The following ZNF318 variants were observed in gnomAD, a reference collection of about 807,000 sequenced individuals.
ZNF318 encodes the protein endocrine regulator.
In ZNF318, 51 loss-of-function variants were observed where a neutral mutation model predicts 124.2. The observed-to-expected ratio is 0.41, with a 90% CI of 0.33 to 0.52. ZNF318 has a LOEUF of 0.52. Among genes scored for constraint, ZNF318 ranks in the 20% least tolerant of loss-of-function variants. The pLI, the probability that ZNF318 is intolerant of heterozygous loss-of-function variation, is 0.23. For missense variants in ZNF318, 2,815 were observed against 2,811.2 expected, an observed-to-expected ratio of 1.00 and a Z score of -0.03; for synonymous variants, 1,090 against 1,040.7, an observed-to-expected ratio of 1.05 and a Z score of -0.91.
At chr6:43,349,517 A>G (rs1779498484) in intron 5 of ZNF318, among the ~76,000 whole-genome samples, 1 of 150,620 alleles carries the variant, frequency 6.6e-6, no homozygotes, top group South Asian at 2.1e-4. Flanking sequence ...GAGCCACCAC[A>G]CCCAGCTGGC....
In ZNF318 at chr6:43,340,336, T is replaced by G; in HGVS notation, c.3662A>C (p.Lys1221Thr). 1 of 1,614,178 alleles carries G rather than the reference T, an allele frequency of 6.2e-7. No homozygotes were observed. Among genetic ancestry groups the G allele is most frequent in the Non-Finnish European group, 8.5e-7 (1 of 1,180,042 alleles). The change falls in exon 10 of 10, where the codon AAA becomes ACA. Residue 1221 changes from lysine to threonine, a missense_variant. Around this residue, in one of 4 missense-constraint regions of ZNF318, gnomAD observed 500 missense variants for 605.2 expected, o/e 0.83. Coordinates refer to ENST00000361428, the MANE Select transcript of ZNF318 (RefSeq NM_014345.3). ...EKKEKKAKAVKEVKEDDKVSE... is the reference protein window; with the variant it reads ...EKKEKKAKAVTEVKEDDKVSE... ...GACCTTGTCATCCTCCTTTACTTCT[T>G]TCACAGCCTTTGCCTTTTTTTCTTT...
In ZNF318 at chr6:43,338,634, C is replaced by T; in HGVS notation, c.5364G>A (p.Leu1788=). Residue 1788 remains leucine (L), a synonymous_variant, in exon 10 of 10, where the codon CTG becomes CTA. Coordinates refer to ENST00000361428, the MANE Select transcript of ZNF318 (RefSeq NM_014345.3). ...NTELKERVKE[L]SEGIVDEGVS... ...CTCCCTCATCAACTATCCCCTCAGA[C>T]AGCTCCTTTACCCTTTCTTTTAGTT... The T allele has an allele frequency of 1.2e-6, 2 of 1,614,182 alleles. No homozygotes were observed. Among genetic ancestry groups the T allele is most frequent in the Non-Finnish European group, 1.7e-6 (2 of 1,180,022 alleles).
rs373367288 is a variant in ZNF318, at chr6:43,337,689, G to A, written c.6309C>T (p.Asn2103=). The A allele has an allele frequency of 6.8e-5, 109 of 1,614,030 alleles. No homozygotes were observed. The highest frequency in any genetic ancestry group is 8.3e-5 in the Non-Finnish European group (98 of 1,180,040). The change falls in exon 10 of 10, where the codon AAC becomes AAT. Residue 2103 remains asparagine (N), a synonymous_variant. Transcript: ENST00000361428. ...NPRSVRIPSP[N]ILKTGLTENV... is the part of the protein sequence containing the mutation. ...TTTCTGTAAGTCCAGTTTTCAAAAT[G>A]TTAGGAGAAGGGATCCTAACACTCC...
chr6:43,342,880 C>G lies in ZNF318; in HGVS notation c.3073-1G>C. On this transcript the variant is annotated splice_acceptor_variant, in intron 6 of 9. Coordinates refer to ENST00000361428, the MANE Select transcript of ZNF318 (RefSeq NM_014345.3). LOFTEE classifies it high-confidence loss of function. ...ACTTCTCATTGTTTACTTTTGATTC[C>G]TAGAGGGGAAAAATCTGTACTTACA... The G allele has an allele frequency of 6.2e-7, 1 of 1,606,456 alleles. No individual in the cohort carries two copies. Among genetic ancestry groups the G allele is most frequent in the Non-Finnish European group, 8.5e-7 (1 of 1,174,942 alleles).
chr6:43,369,287 GGCCGCTGCGCGGGCC>G lies in ZNF318; in HGVS notation c.64_78del (p.Gly22_Gly26del). 7.5e-7 allele frequency: 1 copy of G among 1,336,056 alleles called. No homozygotes were observed. Among genetic ancestry groups the G allele is most frequent in the South Asian group, 1.6e-5 (1 of 61,478 alleles). The allele number at this position is 1,336,056 out of a possible 1,614,324, so 82.8% of individuals were successfully genotyped here. A position where few individuals can be genotyped will look rare whatever the true frequency, so the allele number is the denominator to read the frequency against. On this transcript the variant is annotated inframe_deletion, in exon 1 of 10. Transcript: ENST00000361428. ...GGGCCTGAGGAGGAGCCAGAGCTGC[GGCCGCTGCGCGGGCC>G]GCCCCCGCCGTCGTCTTTAGGCCGG...
In ZNF318 at chr6:43,345,099, C is replaced by A. The variant is rs572348077; in HGVS notation, c.3073-2220G>T. ...AACTCTACAAAAATACAAAAATTAG[C>A]CAAGTGTGGTGGTGGTGAGCACCTG... On this transcript the variant is annotated intron_variant, in intron 6 of 9. Transcript: ENST00000361428. 8.6e-5 allele frequency among the ~76,000 whole-genome samples: 13 copies of A among 151,668 alleles called. No individual in the cohort carries two copies. The East Asian group carries it at 2.3e-3, about 27-fold the overall frequency.
chr6:43,352,256 T>TCACCACAATCATCTGGG, intron 5 of ZNF318, 121 bp downstream of exon 5: 1 of 723,582 alleles, frequency 1.4e-6, no homozygotes, highest in South Asian at 1.9e-5. Context: ...TTTGTAAGTT[T>TCACCACAATCATCTGGG]AATTACGTCA....
At chr6:43,345,486 CA>C (rs1167810935) in intron 6 of ZNF318, among the ~76,000 whole-genome samples, 1 of 152,040 alleles carries the variant, frequency 6.6e-6, no homozygotes, top group African/African-American at 2.4e-5. Flanking sequence ...TTTCAGAGAC[CA>C]TGAAGACGCA....
chr6:43,369,481 CAGCCGCGGG>C lies in ZNF318; in HGVS notation c.-125_-117del. The C allele has an allele frequency of 1.2e-6, 1 of 869,468 alleles. No homozygotes were observed. The highest frequency in any genetic ancestry group is 1.4e-6 in the Non-Finnish European group (1 of 699,684). The allele number at this position is 869,468 out of a possible 1,614,324, so 53.9% of individuals were successfully genotyped here. ...CCACCTCGGCCGCTGCGCGCCGCCT[CAGCCGCGGG>C]AGCAGCCCCCTCCCCTCGGCCCCGC... On this transcript the variant is annotated 5_prime_UTR_variant, in exon 1 of 10. Transcript: ENST00000361428.
Position 43,355,320 on chromosome 6 carries a change from C to G in ZNF318, c.2014G>C (p.Asp672His), listed in dbSNP as rs1181179823. Residue 672 changes from aspartate to histidine, a missense_variant, in exon 4 of 10, where the codon GAT (aspartate) becomes CAT (histidine). Physicochemically the swap from Asp to His is moderately conservative, Grantham distance 81 (BLOSUM62 -1). Coordinates refer to ENST00000361428, the MANE Select transcript of ZNF318 (RefSeq NM_014345.3). Reference protein sequence around the residue: ...HCFSADRRSSDPHRLESREAH... With the variant: ...HCFSADRRSSHPHRLESREAH... ...TCCCTGCTCTCTAGTCTGTGGGGAT[C>G]TGAGGAACGTCGATCAGCTGAGAAG... 1.9e-6 allele frequency: 3 copies of G among 1,614,188 alleles called. No individual in the cohort carries two copies. In the East Asian group the frequency reaches 6.7e-5, roughly 36 times the overall value.
At chr6:43,363,488 G>A in intron 2 of ZNF318, 1 of 205,036 alleles carries the variant, frequency 4.9e-6, no homozygotes. Flanking sequence ...AGGCCCCGGG[G>A]GCCCTGGGAT....
chr6:43,368,071 A>T (rs1432510558), intron 1 of ZNF318, among the ~76,000 whole-genome samples: 1 of 152,184 alleles, frequency 6.6e-6, no homozygotes, highest in Non-Finnish European at 1.5e-5. Flanking sequence ...AATAAAACAA[A>T]TTCCCAAAAA....
chr6:43,360,037 T>G (rs1779660312), intron 2 of ZNF318, among the ~76,000 whole-genome samples: 1 of 152,080 alleles, frequency 6.6e-6, no homozygotes, highest in African/African-American at 2.4e-5. Flanking sequence ...ATACAAAAAG[T>G]CTCTGACCAT....
At position 43,355,436 on chromosome 6, in the gene ZNF318, C is replaced by T. The variant is rs199685177; in HGVS notation, c.1898G>A (p.Arg633His). The T allele has an allele frequency of 2.8e-4, 455 of 1,614,122 alleles. No homozygotes were observed. Among genetic ancestry groups the T allele is most frequent in the Non-Finnish European group, 3.7e-4 (441 of 1,179,978 alleles). Reference protein sequence around the residue: ...KPSLRSSADRRSSVDRYFSAD... With the variant: ...KPSLRSSADRHSSVDRYFSAD... Reference sequence around the variant, plus strand: ...TGAAAAGTATCGGTCAACTGAGGAACGGCGGTCAGCTGAGGAGCGTAATGA... The same window carrying T: ...TGAAAAGTATCGGTCAACTGAGGAATGGCGGTCAGCTGAGGAGCGTAATGA... The change falls in exon 4 of 10, where the codon CGT becomes CAT. Residue 633 changes from arginine to histidine, a missense_variant. Physicochemically the swap from Arg to His is conservative, Grantham distance 29. Coordinates refer to ENST00000361428, the MANE Select transcript of ZNF318 (RefSeq NM_014345.3).
intron 2 of ZNF318, chr6:43,364,335 A>T: frequency 7.5e-6 from 2 of 265,596 alleles, no homozygotes; most frequent in Admixed American, 5.5e-5. Flanking sequence ...AAGCCTGAAA[A>T]AAAAAAAAAA....
chr6:43,337,449 T>G lies in ZNF318; in HGVS notation c.6549A>C (p.Gln2183His). ...VDFVTRTSGV[Q>H]KDKLCSPLSE... ...AGAGTGGAGAACACAGTTTATCTTT[T>G]TGAACTCCAGAGGTCCGTGTGACAA... is the stretch of plus-strand genomic sequence containing the variant. The change falls in exon 10 of 10, where the codon CAA becomes CAC. Residue 2183 changes from glutamine (Q) to histidine (H), a missense_variant. By Grantham distance (24) the Gln-to-His change is conservative. Transcript: ENST00000361428. 6.2e-7 allele frequency: 1 copy of G among 1,614,196 alleles called. No individual in the cohort carries two copies. The highest frequency in any genetic ancestry group is 8.5e-7 in the Non-Finnish European group (1 of 1,180,030).
At position 43,339,690 on chromosome 6, in the gene ZNF318, T is replaced by C; in HGVS notation, c.4308A>G (p.Leu1436=). ...GAGGAGGTGGTAGTATTTGTTCAGG[T>C]AAATGAGATGGCTCACTCTTTTCAG... ...VLAEKSEPSH[L]PEQILPPPPP... Residue 1436 remains leucine (L), a synonymous_variant, in exon 10 of 10, where the codon TTA becomes TTG. Transcript: ENST00000361428. This position sits in a 1 kb window ranked among gnomAD's most constrained non-coding sequence, Gnocchi z 4.2. The C allele has an allele frequency of 6.2e-7, 1 of 1,613,810 alleles. No individual in the cohort carries two copies. The highest frequency in any genetic ancestry group is 8.5e-7 in the Non-Finnish European group (1 of 1,180,004).
chr6:43,368,678 C>T (rs984810057), intron 1 of ZNF318: 8 of 985,324 alleles, frequency 8.1e-6, no homozygotes, highest in African/African-American at 7.0e-5. Flanking sequence ...GGACGAAATG[C>T]CCCTCGCCTT....
rs779341832 is a variant in ZNF318, at chr6:43,338,190, T to A, written c.5808A>T (p.Arg1936Ser). ...ATCTTTCTCTCTTGAGTTTGAGACT[T>A]CTGTACCTAGAAGTTCTAGAAGCTG... ...PESASRTSRYRSLKLKRERSK... is the reference protein window; with the variant it reads ...PESASRTSRYSSLKLKRERSK... Residue 1936 changes from arginine (R) to serine (S), a missense_variant, in exon 10 of 10, where the codon AGA (arginine) becomes AGT (serine). This residue lies in a region of ZNF318 where 927 missense variants were observed against 820.6 expected (regional missense o/e 1.13). Coordinates refer to ENST00000361428, the MANE Select transcript of ZNF318 (RefSeq NM_014345.3). The A allele has an allele frequency of 6.8e-6, 11 of 1,614,166 alleles. No individual in the cohort carries two copies. The highest frequency in any genetic ancestry group is 9.3e-6 in the Non-Finnish European group (11 of 1,180,032).
Sources: allele counts gnomAD v4.1 joint callset (sites outside exome capture counted in the v4.1 genomes callset), GRCh38; gene constraint gnomAD v4.1.1; regional missense constraint gnomAD v4.1.1; non-coding constraint Gnocchi (gnomAD v3.1); transcripts MANE v1.5; gene names NCBI Gene and HGNC (gene_info 2026-07-23, HGNC 2026-07-21).